The following SCARB1 variants were observed in gnomAD, a reference collection of about 807,000 sequenced individuals.
SCARB1 encodes scavenger receptor class B member 1.
SCARB1 carries 30 observed loss-of-function variants against 57.2 expected under a neutral mutation model. That is an observed-to-expected ratio of 0.52 (90% CI 0.39 to 0.71). The LOEUF is 0.71. Among genes scored for constraint, SCARB1 ranks in the 30% least tolerant of loss-of-function variants. SCARB1 has a pLI of 0.00. For missense variants in SCARB1, 543 were observed against 671.2 expected (o/e 0.81, Z 2.11); for synonymous variants, 249 against 268.3 (o/e 0.93, Z 0.70).
chr12:124,854,419 G>T (rs1952549276), intron 1 of SCARB1, among the ~76,000 whole-genome samples: 1 of 152,214 alleles, frequency 6.6e-6, no homozygotes, highest in Non-Finnish European at 1.5e-5. Context: ...ACTCCTAGGG[G>T]ACGGGTCTGG....
At chr12:124,786,019 C>T in intron 11 of SCARB1, 1 of 1,477,002 alleles carries the variant, frequency 6.8e-7, no homozygotes, top group South Asian at 1.3e-5. Context: ...GCTGTACGTC[C>T]CCTCGCCCCT....
intron 11 of SCARB1, 57 bp downstream of exon 11, chr12:124,786,300 C>T (rs778064561): frequency 1.3e-5 from 21 of 1,607,564 alleles, no homozygotes; most frequent in Non-Finnish European, 1.7e-5. Flanking sequence ...AGGCCCCTTT[C>T]CCCCAGCAGG....
chr12:124,790,377 T>TCAACAA (rs560643861), intron 9 of SCARB1, among the ~76,000 whole-genome samples: 4,424 of 151,748 alleles, frequency 0.029, 137 homozygotes, highest in African/African-American at 0.07. Flanking sequence ...AGACTGTGTC[T>TCAACAA]CAACAACAAC....
intron 9 of SCARB1, among the ~76,000 whole-genome samples, chr12:124,793,146 G>A (rs1245416290): frequency 2.0e-5 from 3 of 152,188 alleles, no homozygotes; most frequent in Non-Finnish European, 2.9e-5. Flanking sequence ...ACTCGCTGCC[G>A]TGCTCTGACA....
intron 9 of SCARB1, among the ~76,000 whole-genome samples, chr12:124,792,819 G>C (rs1434215423): frequency 6.7e-6 from 1 of 150,038 alleles, no homozygotes; most frequent in Non-Finnish European, 1.5e-5. Context: ...AAGTCCTTTT[G>C]AAAAATGCAG....
intron 1 of SCARB1, among the ~76,000 whole-genome samples, chr12:124,818,281 AG>A (rs1950818968): frequency 6.6e-6 from 1 of 152,140 alleles, no homozygotes; most frequent in Admixed American, 6.5e-5. Context: ...AAAACACAGC[AG>A]GGATTGGGGA....
chr12:124,848,557 A>T (rs1191358477), intron 1 of SCARB1, among the ~76,000 whole-genome samples: 1 of 152,270 alleles, frequency 6.6e-6, no homozygotes, highest in Non-Finnish European at 1.5e-5. Context: ...CAAAAGGCTC[A>T]GCAACGAGAG....
chr12:124,823,919 C>G (rs1461993300), intron 1 of SCARB1, among the ~76,000 whole-genome samples: 1 of 151,990 alleles, frequency 6.6e-6, no homozygotes, highest in East Asian at 1.9e-4. Flanking sequence ...AATCCCAGCA[C>G]TTTGGGAGGC....
At chr12:124,829,231 CT>C (rs1273005263) in intron 1 of SCARB1, among the ~76,000 whole-genome samples, 7 of 152,204 alleles carry the variant, frequency 4.6e-5, no homozygotes, top group African/African-American at 1.7e-4. Context: ...GGCTGGGCTG[CT>C]CTCGCTTTAA....
At position 124,817,563 on chromosome 12, in the gene SCARB1, G is replaced by A. The variant is rs1172939512; in HGVS notation, c.271C>T (p.Pro91Ser). 6.2e-7 allele frequency: 1 copy of A among 1,613,866 alleles called. No homozygotes were observed. The highest frequency in any genetic ancestry group is 8.5e-7 in the Non-Finnish European group (1 of 1,180,032). The change falls in exon 2 of 13, where the codon CCC becomes TCC. Residue 91 changes from proline to serine, a missense_variant. Coordinates refer to ENST00000261693, the MANE Select transcript of SCARB1 (RefSeq NM_005505.5). The surrounding 1 kb of genome is among the most constrained non-coding windows in gnomAD (Gnocchi z 4.8). Reference protein sequence around the residue: ...GEKPQVRERGPYVYREFRHKS... With the variant: ...GEKPQVRERGSYVYREFRHKS... ...ACACAGCCTCACCTGTACACGTAGG[G>A]CCCGCGCTCCCGCACCTGCGGCTTC...
intron 1 of SCARB1, among the ~76,000 whole-genome samples, chr12:124,825,512 A>G (rs1301366475): frequency 6.6e-6 from 1 of 151,550 alleles, no homozygotes; most frequent in Admixed American, 6.6e-5. Flanking sequence ...CTCTACTAAA[A>G]CTACAAAAAT....
chr12:124,849,025 T>C (rs1952282085), intron 1 of SCARB1, among the ~76,000 whole-genome samples: 1 of 152,202 alleles, frequency 6.6e-6, no homozygotes, highest in Non-Finnish European at 1.5e-5. Flanking sequence ...AAAAGCCCTA[T>C]GTAGGAGACA....
intron 1 of SCARB1, among the ~76,000 whole-genome samples, chr12:124,835,702 G>T (rs966044079): frequency 2.0e-5 from 3 of 152,166 alleles, no homozygotes; most frequent in Admixed American, 2.0e-4. Flanking sequence ...CTGGGCCCAT[G>T]GGCCAGATTT....
chr12:124,827,373 G>A (rs562999837), intron 1 of SCARB1, among the ~76,000 whole-genome samples: 7 of 152,132 alleles, frequency 4.6e-5, no homozygotes, highest in Admixed American at 1.3e-4. Flanking sequence ...TACAACGTCT[G>A]GAATTTACAG....
intron 2 of SCARB1, among the ~76,000 whole-genome samples, chr12:124,815,587 C>G (rs571703887): frequency 6.6e-6 from 1 of 152,144 alleles, no homozygotes; most frequent in African/African-American, 2.4e-5. Flanking sequence ...GAAATCAGGT[C>G]GGGAGCAGTG....
chr12:124,855,891 C>CTGGG (rs1240760057), intron 1 of SCARB1, among the ~76,000 whole-genome samples: 3 of 152,238 alleles, frequency 2.0e-5, no homozygotes, highest in Non-Finnish European at 4.4e-5. Flanking sequence ...TGCAGCAAAT[C>CTGGG]GCCACTGGGG....
chr12:124,801,464 G>GAAAAC (rs879505910), intron 7 of SCARB1, among the ~76,000 whole-genome samples: 110 of 152,118 alleles, frequency 7.2e-4, no homozygotes, highest in Middle Eastern at 3.2e-3. Context: ...CCTCAGTAAG[G>GAAAAC]AAAACAAAAC....
At chr12:124,859,947 T>C (rs1375874465) in intron 1 of SCARB1, among the ~76,000 whole-genome samples, 1 of 127,774 alleles carries the variant, frequency 7.8e-6, no homozygotes, top group Non-Finnish European at 1.6e-5. Flanking sequence ...CTAAGTTCCT[T>C]CATTTTTTTT....
At chr12:124,863,519 C>A (rs1203843827) in intron 1 of SCARB1, 76 bp downstream of exon 1, 4 of 1,505,808 alleles carry the variant, frequency 2.7e-6, no homozygotes, top group East Asian at 5.1e-5. Context: ...CCCACCGCAA[C>A]GCGCGGGTCC....
Sources: gnomAD v4.1 joint callset for allele counts (sites outside exome capture counted in the v4.1 genomes callset) on GRCh38, gnomAD v4.1.1 for gene constraint, Gnocchi (gnomAD v3.1) non-coding constraint, MANE v1.5 for transcripts, NCBI Gene and HGNC (gene_info 2026-07-23, HGNC 2026-07-21) for gene names.